The following NFX1 variants were observed in gnomAD, a reference collection of about 807,000 sequenced individuals.
The protein encoded by NFX1 is nuclear transcription factor, X-box binding 1.
A neutral mutation model predicts 137.2 loss-of-function variants in NFX1; 69 were observed. That is an observed-to-expected ratio of 0.50 (90% CI 0.41 to 0.61). The LOEUF (loss-of-function observed/expected upper bound fraction) is 0.61. Among genes scored for constraint, NFX1 ranks in the 20% least tolerant of loss-of-function variants. The pLI is 0.00. For missense variants in NFX1, 1,167 were observed against 1,391.0 expected (o/e 0.84, Z 2.56); for synonymous variants, 495 against 474.1 (o/e 1.04, Z -0.57).
intron 20 of NFX1, among the ~76,000 whole-genome samples, chr9:33,364,434 T>C (rs1170701126): frequency 6.6e-6 from 1 of 152,170 alleles, no homozygotes; most frequent in Non-Finnish European, 1.5e-5. Context: ...AGTCTCACAT[T>C]CACATGCGTT....
At chr9:33,366,535 A>T (rs775971071) in intron 21 of NFX1, 94 bp from the exon 22 acceptor site, 3 of 1,470,172 alleles carry the variant, frequency 2.0e-6, no homozygotes, top group Non-Finnish European at 2.8e-6. Flanking sequence ...ATCACCTCTT[A>T]TTGATCCCTG....
At chr9:33,303,024 G>T (rs889671127) in intron 3 of NFX1, among the ~76,000 whole-genome samples, 167 bp from the exon 4 acceptor site, 1 of 146,408 alleles carries the variant, frequency 6.8e-6, no homozygotes, top group Non-Finnish European at 1.5e-5. Flanking sequence ...CTGTATTCAA[G>T]CTAAGCAGTC....
At position 33,295,420 on chromosome 9, in the gene NFX1, G is replaced by T. The variant is rs771370492; in HGVS notation, c.1026G>T (p.Thr342=). ...KQNHVLKNVE[T]HTGSLIEQLT... is the part of the protein sequence containing the mutation. ...ACCATGTGCTAAAGAATGTGGAAACGCACACAGGTAAACCTACCTAGATAG... is the reference window on the plus strand; with the variant it reads ...ACCATGTGCTAAAGAATGTGGAAACTCACACAGGTAAACCTACCTAGATAG... The change falls in exon 2 of 24, where the codon ACG becomes ACT. Residue 342 remains threonine (T), a synonymous_variant. Coordinates refer to ENST00000379540, the MANE Select transcript of NFX1 (RefSeq NM_002504.6). The T allele has an allele frequency of 1.2e-5, 20 of 1,610,978 alleles. 1 individual carries two copies. Among genetic ancestry groups the T allele is most frequent in the East Asian group, 1.1e-4 (5 of 44,820 alleles).
chr9:33,309,997 A>G (rs1440120781), intron 5 of NFX1, among the ~76,000 whole-genome samples: 1 of 152,240 alleles, frequency 6.6e-6, no homozygotes. Context: ...TATAAAATAT[A>G]ACTGTTGAAT....
chr9:33,320,128 AT>A (rs933590448), intron 9 of NFX1, among the ~76,000 whole-genome samples: 1 of 148,820 alleles, frequency 6.7e-6, no homozygotes, highest in African/African-American at 2.5e-5. Context: ...TGCCCAGCTA[AT>A]TTTTTTTTGT....
intron 2 of NFX1, among the ~76,000 whole-genome samples, chr9:33,297,622 T>C (rs1821403992): frequency 1.3e-5 from 2 of 152,232 alleles, no homozygotes; most frequent in East Asian, 1.9e-4. Context: ...CAGTCACTGG[T>C]TGTTGGTAGG....
chr9:33,291,277 C>T (rs1821151034), intron 1 of NFX1, among the ~76,000 whole-genome samples: 1 of 152,186 alleles, frequency 6.6e-6, no homozygotes, highest in Non-Finnish European at 1.5e-5. Context: ...CCAAAAGAAA[C>T]ATTTTGCATC....
In NFX1 at chr9:33,342,861, G is replaced by T. The variant is rs373420105; in HGVS notation, c.2224+7G>T. The T allele has an allele frequency of 4.7e-5, 74 of 1,581,778 alleles. No individual in the cohort carries two copies. The highest frequency in any genetic ancestry group is 6.2e-5 in the Non-Finnish European group (72 of 1,153,374). On this transcript the variant is annotated splice_region_variant and intron_variant, in intron 13 of 23. Transcript: ENST00000379540. ...CAGACATGCTGGCAAGCCAGTGAGT[G>T]TCTTTACTGTATAGTTTATTAGAAG...
intron 9 of NFX1, among the ~76,000 whole-genome samples, chr9:33,326,687 C>T (rs139109481): frequency 1.3e-5 from 2 of 152,156 alleles, no homozygotes; most frequent in Non-Finnish European, 2.9e-5. Context: ...CCACTGCATT[C>T]CAGCCTGAGT....
At chr9:33,367,432 A>G in intron 22 of NFX1, 83 bp from the exon 23 acceptor site, 1 of 1,444,986 alleles carries the variant, frequency 6.9e-7, no homozygotes, top group Non-Finnish European at 9.6e-7. Context: ...TAGTGCCAAA[A>G]TCAAGGGCTG....
chr9:33,346,447 A>G (rs538758134), intron 14 of NFX1, among the ~76,000 whole-genome samples: 3 of 152,362 alleles, frequency 2.0e-5, no homozygotes, highest in South Asian at 4.1e-4. Context: ...GGAGGAGGAC[A>G]GTAGTTCAAT....
At chr9:33,307,798 T>C (rs113845564) in intron 5 of NFX1, among the ~76,000 whole-genome samples, 6 of 134,990 alleles carry the variant, frequency 4.4e-5, no homozygotes, top group African/African-American at 1.8e-4. Context: ...TTCTTTCTTT[T>C]TTTTTTTTTT....
intron 9 of NFX1, among the ~76,000 whole-genome samples, chr9:33,323,114 CAA>C (rs1822446513): frequency 3.9e-5 from 6 of 152,246 alleles, no homozygotes; most frequent in Middle Eastern, 3.4e-3. Context: ...GGAATCAAGA[CAA>C]AGAGAGCCCT....
At position 33,364,757 on chromosome 9, in the gene NFX1, G is replaced by T. The variant is rs767614678; in HGVS notation, c.3022G>T (p.Val1008Leu). Residue 1008 changes from valine to leucine, a missense_variant, in exon 21 of 24, where the codon GTG becomes TTG. By Grantham distance (32) the Val-to-Leu change is conservative. Around this residue, in one of 3 missense-constraint regions of NFX1, gnomAD observed 312 missense variants for 312.8 expected, o/e 1.00. Coordinates refer to ENST00000379540, the MANE Select transcript of NFX1 (RefSeq NM_002504.6). ...CGTTGAGAAGGAAATGGAAACCCTCGTGGAGGCCGTGAATAAGGTTGAAGT... is the reference window on the plus strand; with the variant it reads ...CGTTGAGAAGGAAATGGAAACCCTCTTGGAGGCCGTGAATAAGGTTGAAGT... ...SDVEKEMETLVEAVNKGKNSK... is the reference protein window; with the variant it reads ...SDVEKEMETLLEAVNKGKNSK... The T allele has an allele frequency of 1.2e-6, 2 of 1,613,748 alleles. No homozygotes were observed. The highest frequency in any genetic ancestry group is 1.7e-6 in the Non-Finnish European group (2 of 1,179,910).
chr9:33,333,992 A>G (rs1252710613), intron 11 of NFX1, among the ~76,000 whole-genome samples: 1 of 152,150 alleles, frequency 6.6e-6, no homozygotes, highest in Non-Finnish European at 1.5e-5. Context: ...TAAAAATACA[A>G]AAATTAGCCA....
chr9:33,317,460 G>C (rs75179301), intron 7 of NFX1, among the ~76,000 whole-genome samples: 7,224 of 146,980 alleles, frequency 0.049, 635 homozygotes, highest in African/African-American at 0.17. Context: ...AAAAGAAATT[G>C]CACATGCACT....
At chr9:33,320,464 T>C (rs1230108356) in intron 9 of NFX1, among the ~76,000 whole-genome samples, 2 of 152,228 alleles carry the variant, frequency 1.3e-5, no homozygotes, top group Non-Finnish European at 2.9e-5. Flanking sequence ...AATTGTTGTA[T>C]CTGCTTGTTG....
chr9:33,311,310 GGA>G, intron 6 of NFX1, 133 bp downstream of exon 6: 2 of 806,144 alleles, frequency 2.5e-6, no homozygotes, highest in Non-Finnish European at 4.1e-6. Flanking sequence ...TTTTTTTTCA[GGA>G]GTGAAAGTTT....
At chr9:33,352,281 C>G (rs543035904) in intron 16 of NFX1, 96 of 409,658 alleles carry the variant, frequency 2.3e-4, no homozygotes, top group Non-Finnish European at 9.6e-6. Flanking sequence ...TAAGCCTGGT[C>G]TAAAGGATCA....
Sources: gnomAD v4.1 joint callset for allele counts (sites outside exome capture counted in the v4.1 genomes callset) on GRCh38, gnomAD v4.1.1 for gene constraint, gnomAD v4.1.1 regional missense constraint, MANE v1.5 for transcripts, NCBI Gene and HGNC (gene_info 2026-07-23, HGNC 2026-07-21) for gene names.